The following HMG20A variants were observed in gnomAD, a reference collection of about 807,000 sequenced individuals.
HMG20A encodes high mobility group 20A, also known as high mobility group protein 20A.
Under a neutral mutation model 43.9 loss-of-function variants are expected in HMG20A, and 17 were observed. That is an observed-to-expected ratio of 0.39 (90% CI 0.27 to 0.58). HMG20A has a LOEUF of 0.58. Ranked by LOEUF, HMG20A falls within the 20% of genes least tolerant of loss-of-function variation. The pLI is 0.59. For synonymous variants in HMG20A, 132 were observed against 147.5 expected (o/e 0.89, Z 0.76); for missense variants, 341 against 438.2 (o/e 0.78, Z 1.98).
intron 1 of HMG20A, among the ~76,000 whole-genome samples, chr15:77,425,640 A>G (rs1309440236): frequency 1.3e-5 from 2 of 152,214 alleles, no homozygotes; most frequent in African/African-American, 4.8e-5. Context: ...TGAAGATGGT[A>G]GGTGTTTGAG....
chr15:77,509,567 T>C, the HMG20A span, among the ~76,000 whole-genome samples: 1 of 116,572 alleles, frequency 8.6e-6, no homozygotes, highest in Non-Finnish European at 2.0e-5. Flanking sequence ...TGTGTGTGTG[T>C]GTGTGTGTGT....
At chr15:77,482,637 A>C (rs1420381076) in intron 9 of HMG20A, 1 of 152,158 alleles carries the variant, frequency 6.6e-6, no homozygotes, top group Non-Finnish European at 1.5e-5. Flanking sequence ...CTTCAGACTA[A>C]AGTAGGGTAC....
At chr15:77,434,546 A>G (rs996376307) in intron 1 of HMG20A, among the ~76,000 whole-genome samples, 7 of 152,170 alleles carry the variant, frequency 4.6e-5, no homozygotes, top group Non-Finnish European at 1.0e-4. Flanking sequence ...ACAAATAATC[A>G]AATTTTGAAA....
chr15:77,479,087 G>C (rs923688059), intron 8 of HMG20A, 92 bp from the exon 9 acceptor site: 1 of 1,227,498 alleles, frequency 8.1e-7, no homozygotes, highest in African/African-American at 1.5e-5. Flanking sequence ...CTGTGGAGCA[G>C]ACCACATTAG....
the HMG20A span, among the ~76,000 whole-genome samples, chr15:77,509,270 CT>C: frequency 6.6e-6 from 1 of 151,674 alleles, no homozygotes; most frequent in Non-Finnish European, 1.5e-5. Flanking sequence ...CTTTCTTTCT[CT>C]TTTTTGAGAC....
intron 1 of HMG20A, among the ~76,000 whole-genome samples, chr15:77,436,659 A>T (rs2073552340): frequency 6.6e-6 from 1 of 151,900 alleles, no homozygotes; most frequent in Non-Finnish European, 1.5e-5. Flanking sequence ...GGATCTCACC[A>T]TGTTGGCCAG....
At chr15:77,487,181 T>C (rs1301937747), downstream of HMG20A, among the ~76,000 whole-genome samples, 2 of 152,154 alleles carry the variant, frequency 1.3e-5, no homozygotes, top group African/African-American at 4.8e-5. Context: ...TTCAACACTT[T>C]CACTTAATTT....
chr15:77,505,042 A>T, the HMG20A span, among the ~76,000 whole-genome samples: 7 of 152,290 alleles, frequency 4.6e-5, no homozygotes, highest in East Asian at 1.2e-3. Context: ...TGAACAGGGG[A>T]TGTGAACACC....
chr15:77,450,198 C>T (rs867368090), intron 1 of HMG20A, among the ~76,000 whole-genome samples: 14 of 152,008 alleles, frequency 9.2e-5, no homozygotes, highest in African/African-American at 2.9e-4. Context: ...GGCACGATCT[C>T]GGCTCACTGC....
intron 1 of HMG20A, among the ~76,000 whole-genome samples, chr15:77,431,263 A>T (rs991356977): frequency 4.6e-5 from 7 of 151,948 alleles, no homozygotes; most frequent in African/African-American, 7.3e-5. Flanking sequence ...CCAGGCTGGA[A>T]TGCAGTGGCG....
the HMG20A span, among the ~76,000 whole-genome samples, chr15:77,507,287 G>T: frequency 6.6e-6 from 1 of 152,100 alleles, no homozygotes; most frequent in African/African-American, 2.4e-5. Flanking sequence ...AGTAATACAG[G>T]CTTCTTCCTT....
chr15:77,425,396 C>G (rs765454003), intron 1 of HMG20A, among the ~76,000 whole-genome samples: 20 of 152,144 alleles, frequency 1.3e-4, no homozygotes, highest in Non-Finnish European at 2.6e-4. Context: ...TGATCAATAA[C>G]TTTTGTCCAC....
chr15:77,452,617 G>C (rs548794666), intron 1 of HMG20A, among the ~76,000 whole-genome samples: 30 of 152,188 alleles, frequency 2.0e-4, no homozygotes, highest in African/African-American at 7.2e-4. Flanking sequence ...TGAATCAAAG[G>C]CATAAATGTT....
At chr15:77,487,204 A>G (rs550690561), downstream of HMG20A, among the ~76,000 whole-genome samples, 1 of 152,228 alleles carries the variant, frequency 6.6e-6, no homozygotes, top group African/African-American at 2.4e-5. Flanking sequence ...CCAGAACTCA[A>G]TCATGTGACT....
chr15:77,498,306 A>G, the HMG20A span, among the ~76,000 whole-genome samples: 6 of 152,084 alleles, frequency 3.9e-5, no homozygotes, highest in African/African-American at 1.4e-4. Flanking sequence ...CATGTGATAC[A>G]TTTTACTCAC....
rs768497445 is a variant in HMG20A, at chr15:77,478,465, C to G, written c.862C>G (p.Leu288Val). The stretch of plus-strand genomic sequence containing the variant: ...AGTCTTACAGCAGCACCTGGAGACC[C>G]TGCGGCAGGTGCTGACCAGCAGCTT... The part of the protein sequence containing the change: ...NTVLQQHLET[L>V]RQVLTSSFAS... Residue 288 changes from leucine (L) to valine (V), a missense_variant, in exon 8 of 10, where the codon CTG becomes GTG. This residue lies in a region of HMG20A where 118 missense variants were observed against 154.5 expected (regional missense o/e 0.76). Transcript: ENST00000336216. 1 of 1,611,836 alleles carries G rather than the reference C, an allele frequency of 6.2e-7. No individual in the cohort carries two copies. Among genetic ancestry groups the G allele is most frequent in the East Asian group, 2.2e-5 (1 of 44,864 alleles).
At chr15:77,457,090 T>C (rs2072661441) in intron 1 of HMG20A, among the ~76,000 whole-genome samples, 1 of 152,232 alleles carries the variant, frequency 6.6e-6, no homozygotes, top group Non-Finnish European at 1.5e-5. Flanking sequence ...AAGCTGTTTA[T>C]GGAACTTGGC....
At chr15:77,451,668 T>C (rs1297716415) in intron 1 of HMG20A, among the ~76,000 whole-genome samples, 5 of 152,026 alleles carry the variant, frequency 3.3e-5, no homozygotes, top group African/African-American at 1.2e-4. Flanking sequence ...GAGCTCGCAG[T>C]GTACTGGAAC....
At chr15:77,476,798 T>G (rs1051775816) in intron 6 of HMG20A, among the ~76,000 whole-genome samples, 3 of 152,184 alleles carry the variant, frequency 2.0e-5, no homozygotes, top group Non-Finnish European at 4.4e-5. Context: ...GTTATTGACT[T>G]TATTCTTAAA....
Sources: allele counts gnomAD v4.1 joint callset (sites outside exome capture counted in the v4.1 genomes callset), GRCh38; gene constraint gnomAD v4.1.1; regional missense constraint gnomAD v4.1.1; transcripts MANE v1.5; gene names NCBI Gene and HGNC (gene_info 2026-07-23, HGNC 2026-07-21).